Variants in LMO2 observed in about 807,000 individuals in gnomAD.
LMO2 encodes rhombotin-2.
LMO2 carries 20 observed loss-of-function variants against 23.2 expected under a neutral mutation model. That is an observed-to-expected ratio of 0.86 (90% CI 0.61 to 1.25). The LOEUF is 1.25. LMO2 is among the 50% of genes most tolerant of loss of function. The pLI, the probability that LMO2 is intolerant of heterozygous loss-of-function variation, is 0.00. For missense variants in LMO2, 270 were observed against 315.3 expected (o/e 0.86, Z 1.09); for synonymous variants, 123 against 130.2 (o/e 0.94, Z 0.38).
Position 33,869,724 on chromosome 11 carries a change from C to A in LMO2, c.-8G>T. 1 of 1,286,030 alleles carries A rather than the reference C, an allele frequency of 7.8e-7. No homozygotes were observed. Among genetic ancestry groups the A allele is most frequent in the Non-Finnish European group, 1.0e-6 (1 of 997,220 alleles). The allele number at this position is 1,286,030 out of a possible 1,614,324, so 79.7% of individuals were successfully genotyped here. ...CAGGACTTAACCTTCCATCCCGGTC[C>A]CGCCGCCGCCACCGCCCGGTCCCTC... On this transcript the variant is annotated 5_prime_UTR_variant, in exon 3 of 6. Coordinates refer to ENST00000257818, the MANE Select transcript of LMO2 (RefSeq NM_005574.4).
At chr11:33,876,245 T>G (rs10734420) in intron 2 of LMO2, among the ~76,000 whole-genome samples, 125,254 of 152,114 alleles carry the variant, frequency 0.82, 52,290 homozygotes, top group East Asian at 1. Flanking sequence ...ATCACTATTT[T>G]CTCTTTACTA....
chr11:33,884,018 T>C (rs752361413), intron 1 of LMO2, among the ~76,000 whole-genome samples: 8 of 152,032 alleles, frequency 5.3e-5, no homozygotes, highest in Non-Finnish European at 1.0e-4. Context: ...AATATTCCAG[T>C]GAAAGGAACC....
chr11:33,885,040 G>C (rs1411671603), intron 1 of LMO2, among the ~76,000 whole-genome samples: 1 of 152,188 alleles, frequency 6.6e-6, no homozygotes. Flanking sequence ...CCAGGACAAT[G>C]GGTAGGAAGA....
intron 2 of LMO2, chr11:33,870,454 G>A: frequency 3.0e-6 from 3 of 985,882 alleles, no homozygotes; most frequent in Non-Finnish European, 2.4e-6. Context: ...TGCGGGCTGC[G>A]GGCTACGGGC....
intron 1 of LMO2, among the ~76,000 whole-genome samples, chr11:33,884,838 C>T (rs1424591186): frequency 1.3e-5 from 2 of 152,210 alleles, no homozygotes; most frequent in Admixed American, 1.3e-4. Context: ...TCATCTGGAG[C>T]TAGTCTCTTA....
chr11:33,865,125 T>G, intron 4 of LMO2: 1 of 438,358 alleles, frequency 2.3e-6, no homozygotes. Context: ...TGGGCACCTC[T>G]GGTCTCCTTC....
chr11:33,865,839 A>G (rs903295012), intron 4 of LMO2, among the ~76,000 whole-genome samples: 1 of 152,244 alleles, frequency 6.6e-6, no homozygotes, highest in Admixed American at 6.5e-5. Flanking sequence ...AAAATAAAGG[A>G]GTGGAAGGAA....
Position 33,865,140 on chromosome 11 carries a change from T to C in LMO2, c.249-323A>G, listed in dbSNP as rs76143760. On this transcript the variant is annotated intron_variant, in intron 4 of 5. Transcript: ENST00000257818. Reference sequence around the variant, plus strand: ...TGGGCACCTCTGGTCTCCTTCTGCTTTTTCCCACTCTCCCCGCTGACTCTA... The same window carrying C: ...TGGGCACCTCTGGTCTCCTTCTGCTCTTTCCCACTCTCCCCGCTGACTCTA... 5.8e-3 allele frequency: 2,352 copies of C among 407,256 alleles called. 55 individuals are homozygous for C. Among genetic ancestry groups the C allele is most frequent in the African/African-American group, 0.045 (2,191 of 49,152 alleles). 25.2% of individuals were successfully genotyped at this position (407,256 alleles called of 1,614,324 possible). A position where few individuals can be genotyped will look rare whatever the true frequency, so the allele number is the denominator to read the frequency against.
chr11:33,868,263 T>C (rs1856858783), intron 4 of LMO2, among the ~76,000 whole-genome samples: 1 of 152,158 alleles, frequency 6.6e-6, no homozygotes, highest in South Asian at 2.1e-4. Context: ...TGTATGTGTG[T>C]GTGTGCGGTA....
intron 2 of LMO2, among the ~76,000 whole-genome samples, chr11:33,871,831 C>A (rs1409877522): frequency 6.6e-6 from 1 of 152,136 alleles, no homozygotes; most frequent in African/African-American, 2.4e-5. Context: ...TAGACTCTTA[C>A]TTATCAGTTA....
intron 2 of LMO2, among the ~76,000 whole-genome samples, chr11:33,875,584 A>AAAG (rs1857119764): frequency 6.6e-6 from 1 of 151,716 alleles, no homozygotes; most frequent in African/African-American, 2.4e-5. Flanking sequence ...TTCTCAAAAA[A>AAAG]AAAAAAAAAA....
chr11:33,870,825 A>C (rs1344453939), intron 2 of LMO2, among the ~76,000 whole-genome samples: 1 of 152,182 alleles, frequency 6.6e-6, no homozygotes, highest in Non-Finnish European at 1.5e-5. Context: ...AAGAAGGCGG[A>C]CTTGATTTGG....
intron 2 of LMO2, among the ~76,000 whole-genome samples, chr11:33,879,456 A>G (rs1458764109): frequency 7.1e-6 from 1 of 141,102 alleles, no homozygotes; most frequent in Non-Finnish European, 1.5e-5. Context: ...TCCTGTCTCT[A>G]CTTAAAAAAA....
At chr11:33,877,618 C>A (rs1282217334) in intron 2 of LMO2, among the ~76,000 whole-genome samples, 1 of 151,986 alleles carries the variant, frequency 6.6e-6, no homozygotes, top group African/African-American at 2.4e-5. Context: ...GTGCACACTA[C>A]CACGCCTGGC....
intron 4 of LMO2, among the ~76,000 whole-genome samples, 182 bp downstream of exon 4, chr11:33,869,164 T>C (rs1292460875): frequency 2.0e-5 from 3 of 151,598 alleles, no homozygotes; most frequent in Admixed American, 6.5e-5. Context: ...GCCCAGTCCC[T>C]CTCCCAGAGC....
rs1856491795 is a variant in LMO2 at position 33,859,567 on chromosome 11, C to T, written c.473G>A (p.Gly158Glu). 6.2e-7 allele frequency: 1 copy of T among 1,613,752 alleles called. No individual in the cohort carries two copies. The highest frequency in any genetic ancestry group is 8.5e-7 in the Non-Finnish European group (1 of 1,179,982). The change falls in exon 6 of 6, where the codon GGG becomes GAG. Residue 158 changes from glycine to glutamate, a missense_variant. This residue lies in a region of LMO2 where 100 missense variants were observed against 153.3 expected (regional missense o/e 0.65). Transcript: ENST00000257818. ...ACAGGATGCGCAGAGACCGTCTTGC[C>T]CAAAAAGCCTGGGGCAAAAGAAAGA... is the stretch of plus-strand genomic sequence containing the variant. The part of the protein sequence containing the change: ...LCRRDYLRLF[G>E]QDGLCASCDK...
chr11:33,884,108 A>G (rs911997109), intron 1 of LMO2, among the ~76,000 whole-genome samples: 2 of 152,130 alleles, frequency 1.3e-5, no homozygotes, highest in East Asian at 3.8e-4. Context: ...AGGCAATTCA[A>G]AGGTGTATTA....
At chr11:33,862,470 G>C (rs760487265) in intron 5 of LMO2, among the ~76,000 whole-genome samples, 1 of 152,178 alleles carries the variant, frequency 6.6e-6, no homozygotes, top group Non-Finnish European at 1.5e-5. Flanking sequence ...GCTGCTCTTG[G>C]GTTCCCAACA....
rs1856946772 is a variant in LMO2 at position 33,869,729 on chromosome 11, G to GCCGCCA, written c.-19_-14dup. Reference sequence around the variant, plus strand: ...CTTAACCTTCCATCCCGGTCCCGCCGCCGCCACCGCCCGGTCCCTCTCGCG... The same window carrying GCCGCCA: ...CTTAACCTTCCATCCCGGTCCCGCCGCCGCCACCGCCACCGCCCGGTCCCTCTCGCG... On this transcript the variant is annotated 5_prime_UTR_variant, in exon 3 of 6. Transcript: ENST00000257818. 7.0e-6 allele frequency: 9 copies of GCCGCCA among 1,287,534 alleles called. No homozygotes were observed. Among genetic ancestry groups the GCCGCCA allele is most frequent in the Admixed American group, 2.9e-5 (1 of 34,522 alleles). 79.8% of individuals were successfully genotyped at this position (1,287,534 alleles called of 1,614,324 possible).
Sources: gnomAD v4.1 joint callset for allele counts (sites outside exome capture counted in the v4.1 genomes callset) on GRCh38, gnomAD v4.1.1 for gene constraint, gnomAD v4.1.1 regional missense constraint, MANE v1.5 for transcripts, NCBI Gene and HGNC (gene_info 2026-07-23, HGNC 2026-07-21) for gene names.